INSIG2: variants seen among roughly 807,000 people sequenced by gnomAD.
The protein encoded by INSIG2 is insulin-induced gene 2 protein.
INSIG2 carries 10 observed loss-of-function variants against 27.2 expected under a neutral mutation model. That is an observed-to-expected ratio of 0.37 (90% CI 0.23 to 0.62). The LOEUF is 0.62. Ranked by LOEUF, INSIG2 falls within the 20% of genes least tolerant of loss-of-function variation. INSIG2 has a pLI of 0.65. For synonymous variants in INSIG2, 97 were observed against 95.8 expected, an observed-to-expected ratio of 1.01 and a Z score of -0.07; for missense variants, 178 against 270.2, an observed-to-expected ratio of 0.66 and a Z score of 2.39.
At position 118,110,085 on chromosome 2, in the gene INSIG2, T is replaced by G. The variant is rs1018790761; in HGVS notation, c.*1763T>G. ...CTTAGAATATGGTACTGTGGATTAATCTAATGAAATTAACATATGTGGTTG... is the reference window on the plus strand; with the variant it reads ...CTTAGAATATGGTACTGTGGATTAAGCTAATGAAATTAACATATGTGGTTG... On this transcript the variant is annotated 3_prime_UTR_variant, in exon 6 of 6. Transcript: ENST00000245787. The G allele has an allele frequency of 2.6e-5, 4 of 152,536 alleles. No homozygotes were observed. Among genetic ancestry groups the G allele is most frequent in the African/African-American group, 9.7e-5 (4 of 41,438 alleles). The allele number at this position is 152,536 out of a possible 1,614,324, so 9.4% of individuals were successfully genotyped here. A position where few individuals can be genotyped will look rare whatever the true frequency, so the allele number is the denominator to read the frequency against.
At chr2:118,098,503 A>G (rs559024228) in intron 2 of INSIG2, among the ~76,000 whole-genome samples, 1 of 152,302 alleles carries the variant, frequency 6.6e-6, no homozygotes, top group South Asian at 2.1e-4. Flanking sequence ...GGGAAGGGAA[A>G]AGGAAGCTAC....
chr2:118,094,618 G>A (rs1285490300), intron 1 of INSIG2, among the ~76,000 whole-genome samples: 1 of 152,124 alleles, frequency 6.6e-6, no homozygotes, highest in Non-Finnish European at 1.5e-5. Flanking sequence ...AGACTAAGTA[G>A]GTCAGTGAGG....
At chr2:118,091,629 CTTTTA>C (rs141049847) in intron 1 of INSIG2, among the ~76,000 whole-genome samples, 7,248 of 152,182 alleles carry the variant, frequency 0.048, 263 homozygotes, top group Non-Finnish European at 0.068. Context: ...TTTCTTAAAG[CTTTTA>C]TTTTTTGTCA....
At position 118,105,562 on chromosome 2, in the gene INSIG2, G is replaced by A. The variant is rs190472754; in HGVS notation, c.370-1175G>A. The stretch of plus-strand genomic sequence containing the variant: ...AACAATAAGAAAAGCTTTTCCAGAA[G>A]CATACCCATATGAACTGTAGGTTTC... On this transcript the variant is annotated intron_variant, in intron 3 of 5. Transcript: ENST00000245787. Among the ~76,000 whole-genome samples, 8 of 152,278 alleles carry A rather than the reference G, an allele frequency of 5.3e-5. No homozygotes were observed. The East Asian group carries it at 9.7e-4, about 18-fold the overall frequency.
intron 3 of INSIG2, among the ~76,000 whole-genome samples, chr2:118,106,239 A>G (rs1025151344): frequency 1.5e-4 from 23 of 152,246 alleles, no homozygotes; most frequent in African/African-American, 5.3e-4. Context: ...AGTAAATCAT[A>G]GAGAGAATGT....
At chr2:118,094,010 AGATGATGATGATGAT>A (rs372312794) in intron 1 of INSIG2, among the ~76,000 whole-genome samples, 1 of 11,654 alleles carries the variant, frequency 8.6e-5, no homozygotes, top group African/African-American at 2.8e-4. Context: ...AAAAGCAACC[AGATGATGATGATGAT>A]GATGATGATG....
intron 4 of INSIG2, 39 bp from the exon 5 acceptor site, chr2:118,107,051 G>A (rs776372170): frequency 6.7e-7 from 1 of 1,482,144 alleles, no homozygotes; most frequent in East Asian, 2.3e-5. Flanking sequence ...TGTCATTGCA[G>A]TTCCTCTGTG....
intron 5 of INSIG2, 86 bp downstream of exon 5, chr2:118,107,275 T>G: frequency 1.2e-6 from 1 of 822,940 alleles, no homozygotes; most frequent in Admixed American, 2.3e-5. Flanking sequence ...GAAAGCAATT[T>G]GTGAAGACAA....
chr2:118,094,233 A>AGATGATGATGATGATGAT (rs70949910), intron 1 of INSIG2, among the ~76,000 whole-genome samples: 5 of 98,458 alleles, frequency 5.1e-5, no homozygotes, highest in African/African-American at 8.5e-5. Flanking sequence ...AAAAGCAACC[A>AGATGATGATGATGATGAT]GATGATGATG....
chr2:118,103,084 T>G, intron 2 of INSIG2, 113 bp from the exon 3 acceptor site: 3 of 1,008,492 alleles, frequency 3.0e-6, no homozygotes, highest in Non-Finnish European at 4.1e-6. Flanking sequence ...TTTTTTGTTT[T>G]TTTTTTTTTA....
rs753056496 is a variant in INSIG2 at position 118,105,228 on chromosome 2, A to AAAAT, written c.370-1509_370-1508insAAAT. ...GTGAATTTTTCTGTATTTTTAGTAG[A>AAAAT]GATGGGGTTTCACCATGTTAGCCAG... On this transcript the variant is annotated intron_variant, in intron 3 of 5. Transcript: ENST00000245787. Among the ~76,000 whole-genome samples the AAAAT allele has an allele frequency of 7.1e-3, 1,080 of 152,212 alleles. 7 individuals carry two copies. Among genetic ancestry groups the AAAAT allele is most frequent in the African/African-American group, 0.015 (627 of 41,538 alleles).
At chr2:118,107,283 C>A in intron 5 of INSIG2, 94 bp downstream of exon 5, 1 of 774,236 alleles carries the variant, frequency 1.3e-6, no homozygotes, top group Non-Finnish European at 2.2e-6. Flanking sequence ...TTTGTGAAGA[C>A]AACATTCTTT....
chr2:118,090,783 T>G (rs1678205689), intron 1 of INSIG2, among the ~76,000 whole-genome samples: 2 of 152,172 alleles, frequency 1.3e-5, no homozygotes, highest in African/African-American at 2.4e-5. Context: ...GGAAGCAGTG[T>G]GGTGAAGCAG....
intron 4 of INSIG2, 27 bp from the exon 5 acceptor site, chr2:118,107,063 G>A (rs1409460261): frequency 6.0e-6 from 9 of 1,511,420 alleles, no homozygotes; most frequent in South Asian, 1.1e-5. Flanking sequence ...TCCTCTGTGG[G>A]TATTAAAGAC....
At chr2:118,095,661 G>T (rs973364634) in intron 1 of INSIG2, among the ~76,000 whole-genome samples, 1 of 152,142 alleles carries the variant, frequency 6.6e-6, no homozygotes, top group African/African-American at 2.4e-5. Flanking sequence ...AAACTCCTTA[G>T]AATCTAGCCA....
rs372652489 is a variant in INSIG2, at chr2:118,103,351, A to G, written c.369+30A>G. On this transcript the variant is annotated intron_variant, in intron 3 of 5. Coordinates refer to ENST00000245787, the MANE Select transcript of INSIG2 (RefSeq NM_016133.4). ...CCTTTACTCTGTAATGAAATGCATA[A>G]TAACAAAGTGGCTTCCAACAAACCA... 3 of 1,575,628 alleles carry G rather than the reference A, an allele frequency of 1.9e-6. No individual in the cohort carries two copies. In the African/African-American group the frequency reaches 4.0e-5, roughly 21 times the overall value.
intron 1 of INSIG2, among the ~76,000 whole-genome samples, chr2:118,091,754 C>T (rs1573567569): frequency 6.6e-6 from 1 of 152,004 alleles, no homozygotes; most frequent in Admixed American, 6.5e-5. Flanking sequence ...ACTTTTGGGG[C>T]GAAGTAGAAA....
intron 1 of INSIG2, among the ~76,000 whole-genome samples, chr2:118,091,138 C>T (rs1401038217): frequency 6.6e-6 from 1 of 152,090 alleles, no homozygotes; most frequent in East Asian, 1.9e-4. Context: ...AAAATGGTAT[C>T]AGTACAAAAT....
At chr2:118,101,249 G>A (rs1191401336) in intron 2 of INSIG2, among the ~76,000 whole-genome samples, 5 of 152,108 alleles carry the variant, frequency 3.3e-5, no homozygotes, top group Non-Finnish European at 5.9e-5. Flanking sequence ...AAGCTTCTTC[G>A]AATTCTCCCT....
Sources: gnomAD v4.1 joint callset for allele counts (sites outside exome capture counted in the v4.1 genomes callset) on GRCh38, gnomAD v4.1.1 for gene constraint, MANE v1.5 for transcripts, NCBI Gene and HGNC (gene_info 2026-07-23, HGNC 2026-07-21) for gene names.